Variants in BAHD1 observed in about 807,000 individuals in gnomAD.
BAHD1 encodes bromo adjacent homology domain containing 1, also known as bromo adjacent homology domain-containing 1 protein.
In BAHD1, 20 loss-of-function variants were observed where a neutral mutation model predicts 63.1. The ratio of observed to expected loss-of-function variants is 0.32; its 90% CI spans 0.22 to 0.46. BAHD1 has a LOEUF of 0.46. BAHD1 is among the 20% of genes least tolerant of loss of function. BAHD1 has a pLI of 1.00. For synonymous variants in BAHD1, 408 were observed against 426.8 expected (o/e 0.96, Z 0.54); for missense variants, 939 against 1,071.8 (o/e 0.88, Z 1.73).
At position 40,443,156 on chromosome 15, in the gene BAHD1, G is replaced by A. The variant is rs909368745; in HGVS notation, c.-15+1888G>A. 1.2e-5 allele frequency: 7 copies of A among 590,064 alleles called. No homozygotes were observed. The African/African-American group carries it at 1.2e-4, about 10-fold the overall frequency. 36.6% of individuals were successfully genotyped at this position (590,064 alleles called of 1,614,324 possible). On this transcript the variant is annotated intron_variant, in intron 1 of 6. Transcript: ENST00000416165. ...TCGAGTCCCACCTCAGGTAGGGCTG[G>A]TTAGAAGCCGCTCTCAACTGTGGTT...
chr15:40,437,582 T>C (rs1566955439), upstream of BAHD1, among the ~76,000 whole-genome samples: 2 of 152,122 alleles, frequency 1.3e-5, no homozygotes, highest in Non-Finnish European at 1.5e-5. Context: ...GCCGGGTGGC[T>C]CAGTAAGTAT....
At chr15:40,443,891 A>AT (rs1295584743) in intron 1 of BAHD1, among the ~76,000 whole-genome samples, 1 of 151,684 alleles carries the variant, frequency 6.6e-6, no homozygotes, top group African/African-American at 2.4e-5. Flanking sequence ...TACCATGCAC[A>AT]TTTTTTCTTC....
intron 1 of BAHD1, among the ~76,000 whole-genome samples, chr15:40,454,892 C>G (rs538473511): frequency 6.6e-6 from 1 of 152,162 alleles, no homozygotes; most frequent in Non-Finnish European, 1.5e-5. Context: ...CTCTCCCCAA[C>G]CAGCCCTGTA....
intron 1 of BAHD1, among the ~76,000 whole-genome samples, chr15:40,451,163 A>C (rs1005544654): frequency 2.0e-5 from 3 of 151,886 alleles, no homozygotes; most frequent in East Asian, 1.9e-4. Context: ...AAAAAAAAAA[A>C]AAAAAAAAAC....
chr15:40,445,985 T>C (rs1333783351), intron 1 of BAHD1, among the ~76,000 whole-genome samples: 2 of 152,188 alleles, frequency 1.3e-5, no homozygotes, highest in East Asian at 1.9e-4. Flanking sequence ...GAAAATACCA[T>C]GCGCAGTCAA....
At chr15:40,442,564 AC>A (rs1326543197) in intron 1 of BAHD1, among the ~76,000 whole-genome samples, 2 of 152,086 alleles carry the variant, frequency 1.3e-5, no homozygotes, top group African/African-American at 2.4e-5. Context: ...CAGAAGTCTA[AC>A]CCCACCTGGG....
chr15:40,459,233 T>A lies in BAHD1; in HGVS notation c.769T>A (p.Tyr257Asn). ...GTGGCCCAAGGTCAATGGCAAGAACTATCCCAAGGCTTGGCAGGGGGCCAG... is the reference window on the plus strand; with the variant it reads ...GTGGCCCAAGGTCAATGGCAAGAACAATCCCAAGGCTTGGCAGGGGGCCAG... ...PKWPKVNGKNYPKAWQGASSG... is the reference protein window; with the variant it reads ...PKWPKVNGKNNPKAWQGASSG... Residue 257 changes from tyrosine (Y) to asparagine (N), a missense_variant, in exon 2 of 7, where the codon TAT (tyrosine) becomes AAT (asparagine). By Grantham distance (143) the Tyr-to-Asn change is moderately radical. Coordinates refer to ENST00000416165, the MANE Select transcript of BAHD1 (RefSeq NM_014952.5). 6.2e-7 allele frequency: 1 copy of A among 1,612,166 alleles called. No individual in the cohort carries two copies. Among genetic ancestry groups the A allele is most frequent in the African/African-American group, 1.3e-5 (1 of 75,052 alleles).
At chr15:40,465,860 C>A (rs759906062) in intron 6 of BAHD1, 81 bp from the exon 7 acceptor site, 1 of 1,409,510 alleles carries the variant, frequency 7.1e-7, no homozygotes, top group Non-Finnish European at 9.6e-7. Context: ...CTCTCTGGGT[C>A]GGGTAGGGTA....
upstream of BAHD1, among the ~76,000 whole-genome samples, chr15:40,437,711 T>C (rs1232764871): frequency 2.0e-5 from 3 of 152,218 alleles, no homozygotes; most frequent in Admixed American, 6.5e-5. Context: ...CTGCCACCAC[T>C]GCAGGGACTG....
At position 40,466,039 on chromosome 15, in the gene BAHD1, C is replaced by T; in HGVS notation, c.2252C>T (p.Thr751Ile). 6.2e-7 allele frequency: 1 copy of T among 1,614,154 alleles called. No individual in the cohort carries two copies. The highest frequency in any genetic ancestry group is 8.5e-7 in the Non-Finnish European group (1 of 1,179,982). Residue 751 changes from threonine to isoleucine, a missense_variant, in exon 7 of 7, where the codon ACA becomes ATA. Physicochemically the swap from Thr to Ile is moderately conservative, Grantham distance 89. Coordinates refer to ENST00000416165, the MANE Select transcript of BAHD1 (RefSeq NM_014952.5). ...SADYSTPPHR[T>I]VPEDTDPELV... ...GACTATTCCACCCCACCCCACCGCA[C>T]AGTGCCAGAGGACACGGACCCTGAG...
At chr15:40,463,804 G>A (rs971119373) in intron 3 of BAHD1, 57 bp from the exon 4 acceptor site, 5 of 1,593,366 alleles carry the variant, frequency 3.1e-6, no homozygotes, top group Non-Finnish European at 4.3e-6. Flanking sequence ...CCCTCTCTCT[G>A]TCCTTACTCT....
chr15:40,437,776 G>A (rs896798), upstream of BAHD1, among the ~76,000 whole-genome samples: 25,642 of 152,154 alleles, frequency 0.17, 3,175 homozygotes, highest in East Asian at 0.62. Flanking sequence ...CAGGCCAGGC[G>A]GTCTTCGGGG....
intron 3 of BAHD1, among the ~76,000 whole-genome samples, chr15:40,462,877 A>G (rs957358406): frequency 9.9e-5 from 15 of 151,888 alleles, no homozygotes; most frequent in African/African-American, 3.1e-4. Context: ...AGGAGGCTGA[A>G]GTGGGAGGAT....
chr15:40,459,788 G>A lies in BAHD1; in HGVS notation c.1324G>A (p.Glu442Lys), dbSNP rs199500209. 122 of 1,613,766 alleles carry A rather than the reference G, an allele frequency of 7.6e-5. No individual in the cohort carries two copies. The East Asian group carries it at 2.0e-3, about 27-fold the overall frequency. Reference sequence around the variant, plus strand: ...GGGCTCCTCTCGCTACTGCTCTAGCGAGGACACTGGAGTGAATGGCTACAG... The same window carrying A: ...GGGCTCCTCTCGCTACTGCTCTAGCAAGGACACTGGAGTGAATGGCTACAG... ...PWGSSRYCSS[E>K]DTGVNGYSIC... Residue 442 changes from glutamate (E) to lysine (K), a missense_variant, in exon 2 of 7, where the codon GAG becomes AAG. This residue lies in a region of BAHD1 where 797 missense variants were observed against 813.3 expected (regional missense o/e 0.98). Coordinates refer to ENST00000416165, the MANE Select transcript of BAHD1 (RefSeq NM_014952.5).
intron 1 of BAHD1, among the ~76,000 whole-genome samples, chr15:40,441,832 C>T (rs1326667713): frequency 6.8e-6 from 1 of 148,090 alleles, no homozygotes; most frequent in Non-Finnish European, 1.5e-5. Flanking sequence ...GGGAGCTGAC[C>T]GGTTATTGCT....
intron 1 of BAHD1, among the ~76,000 whole-genome samples, chr15:40,450,242 C>CT (rs1893662979): frequency 6.6e-6 from 1 of 152,224 alleles, no homozygotes; most frequent in African/African-American, 2.4e-5. Context: ...TGCGATTCTG[C>CT]TCCTGCTAGT....
At chr15:40,448,465 A>G (rs976065486) in intron 1 of BAHD1, among the ~76,000 whole-genome samples, 7 of 152,182 alleles carry the variant, frequency 4.6e-5, no homozygotes, top group African/African-American at 1.2e-4. Flanking sequence ...TGCCCTAAGT[A>G]GAGGCAGTGT....
rs1395825674 is a variant in BAHD1, at chr15:40,459,795, C to T, written c.1331C>T (p.Thr444Ile). The change falls in exon 2 of 7, where the codon ACT becomes ATT. Residue 444 changes from threonine (T) to isoleucine (I), a missense_variant. Physicochemically the swap from Thr to Ile is moderately conservative, Grantham distance 89. This residue lies in a region of BAHD1 where 797 missense variants were observed against 813.3 expected (regional missense o/e 0.98). Transcript: ENST00000416165. ...GSSRYCSSED[T>I]GVNGYSICGV... The stretch of plus-strand genomic sequence containing the variant: ...TCTCGCTACTGCTCTAGCGAGGACA[C>T]TGGAGTGAATGGCTACAGCATCTGC... 6.2e-7 allele frequency: 1 copy of T among 1,613,776 alleles called. No homozygotes were observed. Among genetic ancestry groups the T allele is most frequent in the East Asian group, 2.2e-5 (1 of 44,886 alleles).
chr15:40,466,262 GA>G lies in BAHD1; in HGVS notation c.*133del. 1.3e-6 allele frequency: 1 copy of G among 762,532 alleles called. No homozygotes were observed. Among genetic ancestry groups the G allele is most frequent in the African/African-American group, 1.8e-5 (1 of 55,218 alleles). The allele number at this position is 762,532 out of a possible 1,614,324, so 47.2% of individuals were successfully genotyped here. ...GCTGGCCTGTGGTTTTCTTGGGGGG[GA>G]GGGCAGGGGCCCCTGTGGGTTCTGG... On this transcript the variant is annotated 3_prime_UTR_variant, in exon 7 of 7. Transcript: ENST00000416165.
Sources: gnomAD v4.1 joint callset for allele counts (sites outside exome capture counted in the v4.1 genomes callset) on GRCh38, gnomAD v4.1.1 for gene constraint, gnomAD v4.1.1 regional missense constraint, MANE v1.5 for transcripts, NCBI Gene and HGNC (gene_info 2026-07-23, HGNC 2026-07-21) for gene names.